SPON1: variants seen among roughly 807,000 people sequenced by gnomAD.
SPON1 encodes spondin 1.
In SPON1, 52 loss-of-function variants were observed where a neutral mutation model predicts 111.7. The ratio of observed to expected loss-of-function variants is 0.47; its 90% CI spans 0.37 to 0.59. SPON1 has a LOEUF of 0.59. Ranked by LOEUF, SPON1 falls within the 20% of genes least tolerant of loss-of-function variation. SPON1 has a pLI of 0.00. For missense variants in SPON1, 957 were observed against 1,068.5 expected (o/e 0.90, Z 1.46); for synonymous variants, 410 against 395.8 (o/e 1.04, Z -0.43).
chr11:14,202,993 G>A (rs78531589), intron 6 of SPON1, among the ~76,000 whole-genome samples: 10,440 of 152,140 alleles, frequency 0.069, 476 homozygotes, highest in Non-Finnish European at 0.11. Flanking sequence ...ACGCCAAAAA[G>A]ATAAATGCCA....
intron 3 of SPON1, among the ~76,000 whole-genome samples, chr11:14,043,294 C>G (rs1438739365): frequency 2.0e-5 from 3 of 152,092 alleles, no homozygotes; most frequent in African/African-American, 7.2e-5. Flanking sequence ...CATGAGGAAG[C>G]TGGAGGCAGG....
chr11:14,255,042 G>C (rs1849090776), intron 8 of SPON1, among the ~76,000 whole-genome samples: 1 of 152,190 alleles, frequency 6.6e-6, no homozygotes, highest in East Asian at 1.9e-4. Flanking sequence ...ATTCTGTCCT[G>C]AATGTCATAT....
intron 5 of SPON1, among the ~76,000 whole-genome samples, chr11:14,109,654 G>T (rs1394574965): frequency 6.6e-6 from 1 of 152,064 alleles, no homozygotes; most frequent in Non-Finnish European, 1.5e-5. Context: ...AAATCAGACT[G>T]CTCTGTAATT....
At chr11:14,199,684 T>C (rs1217230584) in intron 6 of SPON1, among the ~76,000 whole-genome samples, 1 of 152,234 alleles carries the variant, frequency 6.6e-6, no homozygotes, top group African/African-American at 2.4e-5. Flanking sequence ...CTCTCAGCTG[T>C]GGTCCTGCAC....
chr11:14,114,495 C>T (rs1031674706), intron 5 of SPON1, among the ~76,000 whole-genome samples: 1 of 152,176 alleles, frequency 6.6e-6, no homozygotes, highest in Admixed American at 6.5e-5. Flanking sequence ...ATCTCATGCC[C>T]TCTGCAAATC....
intron 5 of SPON1, among the ~76,000 whole-genome samples, chr11:14,123,804 AC>A (rs1554926756): frequency 6.6e-6 from 1 of 152,216 alleles, no homozygotes; most frequent in Non-Finnish European, 1.5e-5. Flanking sequence ...ACCTTCCTGC[AC>A]CACAAACAAG....
chr11:14,140,674 C>T (rs781795829), intron 6 of SPON1, among the ~76,000 whole-genome samples: 5 of 152,148 alleles, frequency 3.3e-5, no homozygotes, highest in Non-Finnish European at 7.4e-5. Flanking sequence ...GGATTACAGG[C>T]GTGAGCCACC....
At chr11:14,171,201 C>A (rs1342136077) in intron 6 of SPON1, among the ~76,000 whole-genome samples, 2 of 152,168 alleles carry the variant, frequency 1.3e-5, no homozygotes, top group Non-Finnish European at 2.9e-5. Flanking sequence ...AGGGATTCAA[C>A]TTCTTCCTGG....
intron 6 of SPON1, among the ~76,000 whole-genome samples, chr11:14,178,817 T>A (rs531087145): frequency 6.6e-6 from 1 of 150,932 alleles, no homozygotes; most frequent in East Asian, 1.9e-4. Context: ...ATGGTAAGTG[T>A]CGGATTCATT....
intron 6 of SPON1, among the ~76,000 whole-genome samples, chr11:14,145,323 G>A (rs983613507): frequency 6.6e-6 from 1 of 152,146 alleles, no homozygotes; most frequent in Non-Finnish European, 1.5e-5. Context: ...ACAGCATCAT[G>A]ATCCCTGGGA....
At chr11:14,046,886 AT>A (rs558541224) in intron 3 of SPON1, among the ~76,000 whole-genome samples, 49 of 152,146 alleles carry the variant, frequency 3.2e-4, no homozygotes, top group African/African-American at 1.1e-3. Context: ...AAATTTTGTA[AT>A]TTTTCTTCAT....
intron 6 of SPON1, among the ~76,000 whole-genome samples, chr11:14,142,826 C>T (rs1847671840): frequency 6.6e-6 from 1 of 152,328 alleles, no homozygotes; most frequent in African/African-American, 2.4e-5. Context: ...GAAAGTAGGA[C>T]ACATGAGAAC....
chr11:14,140,087 T>C (rs1211842608), intron 6 of SPON1, among the ~76,000 whole-genome samples: 1 of 152,146 alleles, frequency 6.6e-6, no homozygotes, highest in Non-Finnish European at 1.5e-5. Flanking sequence ...CCATAGAAGG[T>C]ACTTATTCCT....
chr11:13,985,204 C>T (rs551841625), intron 2 of SPON1, among the ~76,000 whole-genome samples: 2 of 152,160 alleles, frequency 1.3e-5, no homozygotes, highest in African/African-American at 2.4e-5. Context: ...AACAGGATGT[C>T]GTCCATCATC....
chr11:13,997,116 C>A (rs1223128951), intron 2 of SPON1, among the ~76,000 whole-genome samples: 1 of 152,170 alleles, frequency 6.6e-6, no homozygotes, highest in African/African-American at 2.4e-5. Context: ...TACATACTCA[C>A]ATGTATGTAT....
At chr11:13,965,699 G>A (rs2133771272) in intron 1 of SPON1, among the ~76,000 whole-genome samples, 1 of 152,258 alleles carries the variant, frequency 6.6e-6, no homozygotes, top group South Asian at 2.1e-4. Context: ...TAAATATCCT[G>A]CAATTAGCAA....
chr11:14,085,032 T>C (rs1564901412), intron 5 of SPON1, among the ~76,000 whole-genome samples: 1 of 150,160 alleles, frequency 6.7e-6, no homozygotes, highest in Non-Finnish European at 1.5e-5. Flanking sequence ...TTCTTTGTAA[T>C]TCTGGAAATT....
intron 6 of SPON1, among the ~76,000 whole-genome samples, chr11:14,197,523 A>ATAAAT (rs1554935217): frequency 6.8e-6 from 1 of 148,080 alleles, no homozygotes. Flanking sequence ...AAATAAATAA[A>ATAAAT]CAAGTGGGGG....
intron 6 of SPON1, among the ~76,000 whole-genome samples, chr11:14,137,225 A>C (rs1376975741): frequency 1.3e-5 from 2 of 152,172 alleles, no homozygotes; most frequent in African/African-American, 2.4e-5. Context: ...ATAGCAATAA[A>C]AAGATTGAAA....
Sources: gnomAD v4.1 joint callset for allele counts (sites outside exome capture counted in the v4.1 genomes callset) on GRCh38, gnomAD v4.1.1 for gene constraint, MANE v1.5 for transcripts, NCBI Gene and HGNC (gene_info 2026-07-23, HGNC 2026-07-21) for gene names.